The following RAP1GAP variants were observed in gnomAD, a reference collection of about 807,000 sequenced individuals.
RAP1GAP encodes the protein RAP1 GTPase activating protein, also known as rap1 GTPase-activating protein 1.
Under a neutral mutation model 87.2 loss-of-function variants are expected in RAP1GAP, and 35 were observed. That is an observed-to-expected ratio of 0.40 (90% confidence interval 0.31 to 0.53). The LOEUF is 0.53. RAP1GAP is among the 20% of genes least tolerant of loss of function. The pLI, the probability that RAP1GAP is intolerant of heterozygous loss-of-function variation, is 0.48. For missense variants in RAP1GAP, 734 were observed against 898.9 expected (o/e 0.82, Z 2.35); for synonymous variants, 375 against 363.9 (o/e 1.03, Z -0.35).
intron 2 of RAP1GAP, among the ~76,000 whole-genome samples, chr1:21,644,900 C>CAAAAA (rs34783815): frequency 2.8e-4 from 32 of 114,506 alleles, no homozygotes; most frequent in African/African-American, 4.1e-4. Context: ...GACCCTGTCT[C>CAAAAA]AAAAAAAAAA....
At chr1:21,608,973 A>G in intron 15 of RAP1GAP, 37 bp from the exon 16 acceptor site, 2 of 1,550,738 alleles carry the variant, frequency 1.3e-6, no homozygotes, top group Non-Finnish European at 1.8e-6. Context: ...AAGGAAGGGA[A>G]GTTGAGATGA....
chr1:21,650,827 C>T (rs551936235), intron 1 of RAP1GAP, among the ~76,000 whole-genome samples: 1 of 152,234 alleles, frequency 6.6e-6, no homozygotes, highest in South Asian at 2.1e-4. Flanking sequence ...TGGCCTCCCA[C>T]CCCACCCCAC....
In RAP1GAP at chr1:21,603,804, C is replaced by T; in HGVS notation, c.1429-891G>A. 1 of 1,597,374 alleles carries T rather than the reference C, an allele frequency of 6.3e-7. No individual in the cohort carries two copies. Among genetic ancestry groups the T allele is most frequent in the Non-Finnish European group, 8.6e-7 (1 of 1,165,666 alleles). ...GCAGAGAACAGCGCGTGCAGGCAGCCTCCAGAGCCGGCGGCCCCGCGGACG... is the reference window on the plus strand; with the variant it reads ...GCAGAGAACAGCGCGTGCAGGCAGCTTCCAGAGCCGGCGGCCCCGCGGACG... On this transcript the variant is annotated intron_variant, in intron 18 of 24. Transcript: ENST00000374765. The surrounding 1 kb of genome is among the most constrained non-coding windows in gnomAD (Gnocchi z 6.0).
In RAP1GAP at chr1:21,603,345, G is replaced by A; in HGVS notation, c.1429-432C>T. The A allele has an allele frequency of 2.4e-6, 1 of 415,836 alleles. No individual in the cohort carries two copies. Among genetic ancestry groups the A allele is most frequent in the African/African-American group, 2.0e-5 (1 of 49,586 alleles). 25.8% of individuals were successfully genotyped at this position (415,836 alleles called of 1,614,324 possible). A position where few individuals can be genotyped will look rare whatever the true frequency, so the allele number is the denominator to read the frequency against. ...CGGAACCTCCAAATTGGCTGGGGGA[G>A]GTTCTGGCCCAGCAGCTGGAAGACT... is the stretch of plus-strand genomic sequence containing the variant. On this transcript the variant is annotated intron_variant, in intron 18 of 24. Coordinates refer to ENST00000374765, the MANE Select transcript of RAP1GAP (RefSeq NM_002885.4). This position sits in a 1 kb window ranked among gnomAD's most constrained non-coding sequence, Gnocchi z 6.0.
At chr1:21,633,592 G>A (rs1161733495) in intron 2 of RAP1GAP, among the ~76,000 whole-genome samples, 4 of 152,108 alleles carry the variant, frequency 2.6e-5, no homozygotes, top group Non-Finnish European at 5.9e-5. Context: ...AGCCCACCCT[G>A]AGGACAGCCA....
chr1:21,617,998 T>A, intron 5 of RAP1GAP, 26 bp from the exon 6 acceptor site: 1 of 1,613,882 alleles, frequency 6.2e-7, no homozygotes, highest in Middle Eastern at 1.6e-4. Context: ...AGGGCAAGGG[T>A]CTCTCCATCT....
chr1:21,596,451 G>A lies in RAP1GAP; in HGVS notation c.*848C>T, dbSNP rs1415324434. On this transcript the variant is annotated 3_prime_UTR_variant, in exon 25 of 25. Transcript: ENST00000374765. Reference sequence around the variant, plus strand: ...GCCAGCTGAGACTCTTGGCCTGGAGGGCCCAGCATGGGATGGCAGGGGTTA... The same window carrying A: ...GCCAGCTGAGACTCTTGGCCTGGAGAGCCCAGCATGGGATGGCAGGGGTTA... 2.6e-5 allele frequency: 4 copies of A among 152,458 alleles called. No homozygotes were observed. The highest frequency in any genetic ancestry group is 9.6e-5 in the African/African-American group (4 of 41,594). 9.4% of individuals were successfully genotyped at this position (152,458 alleles called of 1,614,324 possible). A position where few individuals can be genotyped will look rare whatever the true frequency, so the allele number is the denominator to read the frequency against.
At chr1:21,611,643 C>T in intron 12 of RAP1GAP, 62 bp from the exon 13 acceptor site, 1 of 1,613,658 alleles carries the variant, frequency 6.2e-7, no homozygotes, top group Non-Finnish European at 8.5e-7. Flanking sequence ...TCCATGGGGC[C>T]AGGACAGGGG....
At chr1:21,614,221 C>G (rs2080428182) in intron 7 of RAP1GAP, 132 bp from the exon 8 acceptor site, 1 of 625,226 alleles carries the variant, frequency 1.6e-6, no homozygotes, top group Non-Finnish European at 2.8e-6. Context: ...TGATAGCAGA[C>G]CCCACATCAG....
chr1:21,635,313 C>A (rs1264460195), intron 2 of RAP1GAP, among the ~76,000 whole-genome samples: 1 of 152,204 alleles, frequency 6.6e-6, no homozygotes, highest in Non-Finnish European at 1.5e-5. Context: ...CAGGGGGTCT[C>A]CCTTCTCTGA....
intron 1 of RAP1GAP, among the ~76,000 whole-genome samples, chr1:21,655,140 A>G (rs78387269): frequency 6.9e-5 from 10 of 144,182 alleles, no homozygotes; most frequent in Admixed American, 6.3e-4. Context: ...ACTCTGTCTG[A>G]AAAAAAAAAA....
rs767909710 is a variant in RAP1GAP, at chr1:21,617,425, C to T, written c.172G>A (p.Gly58Ser). The T allele has an allele frequency of 6.2e-7, 1 of 1,605,760 alleles. No individual in the cohort carries two copies. The highest frequency in any genetic ancestry group is 8.5e-7 in the Non-Finnish European group (1 of 1,176,650). Residue 58 changes from glycine to serine, a missense_variant, in exon 7 of 25, where the codon GGC becomes AGC. By Grantham distance (56) the Gly-to-Ser change is moderately conservative. Coordinates refer to ENST00000374765, the MANE Select transcript of RAP1GAP (RefSeq NM_002885.4). ...ATGCTGGTGATTTCGTGGTTGGTGC[C>T]CTCAATCCAGTAGCCCCCAAACTGG... is the stretch of plus-strand genomic sequence containing the variant. Reference protein sequence around the residue: ...LPQFGGYWIEGTNHEITSIPE... With the variant: ...LPQFGGYWIESTNHEITSIPE...
At chr1:21,651,715 C>A (rs772500555) in intron 1 of RAP1GAP, 40 of 1,092,820 alleles carry the variant, frequency 3.7e-5, no homozygotes, top group Non-Finnish European at 4.6e-5. Flanking sequence ...CGCACGGGCT[C>A]CCCCCCACGC....
rs956078864 is a variant in RAP1GAP at position 21,634,070 on chromosome 1, G to A, written c.-112-7673C>T. Among the ~76,000 whole-genome samples, 8 of 131,644 alleles carry A rather than the reference G, an allele frequency of 6.1e-5. No individual in the cohort carries two copies. The highest frequency in any genetic ancestry group is 1.3e-4 in the African/African-American group (5 of 37,512). The allele number at this position is 131,644 out of a possible 152,430, so 86.4% of individuals were successfully genotyped here. A position where few individuals can be genotyped will look rare whatever the true frequency, so the allele number is the denominator to read the frequency against. ...AACTGCCCCCTCCCGGGGGGGGGGG[G>A]GGGCCACAGAAGCCCATTGTTTTCT... On this transcript the variant is annotated intron_variant, in intron 2 of 24. Coordinates refer to ENST00000374765, the MANE Select transcript of RAP1GAP (RefSeq NM_002885.4). This position sits in a 1 kb window ranked among gnomAD's most constrained non-coding sequence, Gnocchi z 4.1.
chr1:21,629,348 T>G (rs985359444), intron 2 of RAP1GAP, among the ~76,000 whole-genome samples: 4 of 152,234 alleles, frequency 2.6e-5, no homozygotes, highest in African/African-American at 9.6e-5. Flanking sequence ...CATGCAGCAG[T>G]CCCTGACAAA....
At chr1:21,647,008 A>G (rs1299086426) in intron 2 of RAP1GAP, among the ~76,000 whole-genome samples, 1 of 152,166 alleles carries the variant, frequency 6.6e-6, no homozygotes, top group South Asian at 2.1e-4. Context: ...GGGTGGGGGA[A>G]AATCACCTCC....
At chr1:21,652,853 C>T (rs1339567983) in intron 1 of RAP1GAP, among the ~76,000 whole-genome samples, 1 of 152,144 alleles carries the variant, frequency 6.6e-6, no homozygotes, top group Non-Finnish European at 1.5e-5. Flanking sequence ...CCAGTCTTCC[C>T]CCCATAGAGG....
chr1:21,613,286 G>C lies in RAP1GAP; in HGVS notation c.475-57C>G. On this transcript the variant is annotated intron_variant, in intron 9 of 24. Transcript: ENST00000374765. The surrounding 1 kb of genome is among the most constrained non-coding windows in gnomAD (Gnocchi z 4.7). ...TGTGGGGCCAGGGAGGAGAGGATGGGGCTGCCTGGGCCTCCCTGGTCAAGG... is the reference window on the plus strand; with the variant it reads ...TGTGGGGCCAGGGAGGAGAGGATGGCGCTGCCTGGGCCTCCCTGGTCAAGG... The C allele has an allele frequency of 1.4e-6, 2 of 1,431,370 alleles. No homozygotes were observed. The highest frequency in any genetic ancestry group is 2.0e-6 in the Non-Finnish European group (2 of 1,014,230). 88.7% of individuals were successfully genotyped at this position (1,431,370 alleles called of 1,614,324 possible).
rs2084710793 is a variant in RAP1GAP, at chr1:21,619,191, C to T, written c.19-119G>A. 7 of 1,085,158 alleles carry T rather than the reference C, an allele frequency of 6.5e-6. No individual in the cohort carries two copies. The Admixed American group carries it at 1.5e-4, about 23-fold the overall frequency. The allele number at this position is 1,085,158 out of a possible 1,614,324, so 67.2% of individuals were successfully genotyped here. A position where few individuals can be genotyped will look rare whatever the true frequency, so the allele number is the denominator to read the frequency against. On this transcript the variant is annotated intron_variant, in intron 4 of 24. Coordinates refer to ENST00000374765, the MANE Select transcript of RAP1GAP (RefSeq NM_002885.4). ...GCGGCCCGCGAAGGTAGGGGTACTC[C>T]CAGGGCAGGGTGCTAGCTGGCTGGG... is the stretch of plus-strand genomic sequence containing the variant.
Sources: gnomAD v4.1 joint callset for allele counts (sites outside exome capture counted in the v4.1 genomes callset) on GRCh38, gnomAD v4.1.1 for gene constraint, Gnocchi (gnomAD v3.1) non-coding constraint, MANE v1.5 for transcripts, NCBI Gene and HGNC (gene_info 2026-07-23, HGNC 2026-07-21) for gene names.